The following ASL variants were observed in gnomAD, a reference collection of about 807,000 sequenced individuals.
ASL encodes the protein argininosuccinase.
A neutral mutation model predicts 69.1 loss-of-function variants in ASL; 51 were observed. The observed-to-expected ratio is 0.74, with a 90% confidence interval of 0.59 to 0.93. The LOEUF (loss-of-function observed/expected upper bound fraction) is 0.93. Among genes scored for constraint, ASL ranks in the 40% least tolerant of loss-of-function variants. The pLI, the probability that ASL is intolerant of heterozygous loss-of-function variation, is 0.00. For synonymous variants in ASL, 241 were observed against 247.6 expected, an observed-to-expected ratio of 0.97 and a Z score of 0.25; for missense variants, 540 against 623.9, an observed-to-expected ratio of 0.87 and a Z score of 1.43.
chr7:66,091,233 G>T (rs1786835322), intron 14 of ASL, among the ~76,000 whole-genome samples: 1 of 152,040 alleles, frequency 6.6e-6, no homozygotes, highest in African/African-American at 2.4e-5. Context: ...GACTCTGGGG[G>T]TGCTCCCCAG....
At chr7:66,078,262 C>A (rs540364749) in intron 2 of ASL, among the ~76,000 whole-genome samples, 34 of 152,196 alleles carry the variant, frequency 2.2e-4, no homozygotes, top group African/African-American at 7.5e-4. Flanking sequence ...CCACGTGGTG[C>A]TTTGCTGGAG....
chr7:66,087,881 A>AAC, intron 10 of ASL, 90 bp downstream of exon 10: 1 of 1,519,770 alleles, frequency 6.6e-7, no homozygotes, highest in African/African-American at 1.4e-5. Flanking sequence ...ACCTCCACGG[A>AAC]CAGGCTGGTT....
intron 4 of ASL, 117 bp from the exon 5 acceptor site, chr7:66,082,763 G>C: frequency 8.0e-7 from 1 of 1,250,152 alleles, no homozygotes. Context: ...ATTTGGGGAG[G>C]ACCCGGAGCC....
At chr7:66,089,513 T>C (rs747996363) in intron 13 of ASL, 99 bp from the exon 14 acceptor site, 111 of 1,344,164 alleles carry the variant, frequency 8.3e-5, no homozygotes, top group Admixed American at 1.1e-4. Context: ...GTTCTTCCCA[T>C]GGAAGGCAGT....
intron 2 of ASL, among the ~76,000 whole-genome samples, chr7:66,080,654 G>A (rs1429225143): frequency 6.6e-6 from 1 of 152,086 alleles, no homozygotes; most frequent in Non-Finnish European, 1.5e-5. Flanking sequence ...AAGCCGGGAG[G>A]TGGAGGTTGC....
intron 4 of ASL, 59 bp from the exon 5 acceptor site, chr7:66,082,821 G>A (rs1786546792): frequency 6.2e-7 from 1 of 1,606,982 alleles, no homozygotes; most frequent in African/African-American, 1.3e-5. Context: ...AAACTGCCCT[G>A]CCTGGGTTGA....
intron 10 of ASL, 72 bp downstream of exon 10, chr7:66,087,863 C>T (rs1277917061): frequency 3.2e-6 from 5 of 1,564,328 alleles, no homozygotes; most frequent in Admixed American, 1.7e-5. Context: ...TCTCCAGTTT[C>T]CTCCCACACC....
chr7:66,085,914 C>T (rs534088933), intron 6 of ASL, among the ~76,000 whole-genome samples: 3 of 152,140 alleles, frequency 2.0e-5, no homozygotes, highest in South Asian at 4.1e-4. Flanking sequence ...GGCCACAAGA[C>T]CCCATCTTTA....
intron 13 of ASL, 68 bp from the exon 14 acceptor site, chr7:66,089,544 G>A (rs1270910533): frequency 1.9e-6 from 3 of 1,551,440 alleles, no homozygotes; most frequent in South Asian, 1.1e-5. Context: ...CAGTGGGGGG[G>A]TGGGGCTGTG....
chr7:66,088,954 T>G, intron 11 of ASL, 33 bp downstream of exon 11: 1 of 1,609,350 alleles, frequency 6.2e-7, no homozygotes, highest in South Asian at 1.1e-5. Context: ...CATCTGCCGC[T>G]GCCGGCCTCT....
intron 4 of ASL, 108 bp downstream of exon 4, chr7:66,082,559 A>T (rs1446725830): frequency 3.1e-5 from 40 of 1,276,564 alleles, no homozygotes; most frequent in Non-Finnish European, 4.2e-5. Flanking sequence ...GGCAGACAGC[A>T]TGTGAGACCT....
At chr7:66,083,477 G>A in intron 6 of ASL, 1 of 342,394 alleles carries the variant, frequency 2.9e-6, no homozygotes, top group Non-Finnish European at 5.7e-6. Flanking sequence ...CTGAGGTCAG[G>A]AGTTCGAGAC....
chr7:66,084,186 G>A (rs1165640340), intron 6 of ASL, among the ~76,000 whole-genome samples: 1 of 151,388 alleles, frequency 6.6e-6, no homozygotes, highest in Non-Finnish European at 1.5e-5. Flanking sequence ...TTGAGACAGG[G>A]TTTTGCTCTG....
At chr7:66,076,385 G>C (rs1371888093) in intron 2 of ASL, among the ~76,000 whole-genome samples, 1 of 152,166 alleles carries the variant, frequency 6.6e-6, no homozygotes, top group Non-Finnish European at 1.5e-5. Context: ...GCCTGGCCAG[G>C]AAAAGTGGCT....
chr7:66,089,082 T>G lies in ASL; in HGVS notation c.834-9T>G. ...CCAGCCCCTTCAGCGCCAGCACCTC[T>G]GTCCCCAGCACGGGAAGCAGCCTGA... On this transcript the variant is annotated splice_polypyrimidine_tract_variant and intron_variant, in intron 11 of 16. Coordinates refer to ENST00000304874, the MANE Select transcript of ASL (RefSeq NM_000048.4). 1.9e-6 allele frequency: 3 copies of G among 1,613,752 alleles called. No individual in the cohort carries two copies. Among genetic ancestry groups the G allele is most frequent in the Non-Finnish European group, 2.5e-6 (3 of 1,179,898 alleles).
chr7:66,091,975 G>A, intron 14 of ASL, 31 bp from the exon 15 acceptor site: 1 of 1,612,120 alleles, frequency 6.2e-7, no homozygotes, highest in Non-Finnish European at 8.5e-7. Context: ...AGGGTCCCCA[G>A]GGCTCACCAC....
intron 2 of ASL, among the ~76,000 whole-genome samples, chr7:66,077,332 T>C (rs1786376234): frequency 6.6e-6 from 1 of 151,534 alleles, no homozygotes; most frequent in Non-Finnish European, 1.5e-5. Flanking sequence ...GGCGGAGGCA[T>C]GAGGATTGCT....
Position 66,081,859 on chromosome 7 carries a change from G to A in ASL, c.69G>A (p.Lys23=). The A allele has an allele frequency of 6.2e-7, 1 of 1,614,092 alleles. No homozygotes were observed. Among genetic ancestry groups the A allele is most frequent in the Non-Finnish European group, 8.5e-7 (1 of 1,180,040 alleles). ...FVGAVDPIME[K]FNASIAYDRH... ...GTGCAGTGGACCCCATCATGGAGAA[G>A]TTCAACGCGTCCATTGCCTACGACC... is the stretch of plus-strand genomic sequence containing the variant. Residue 23 remains lysine, a synonymous_variant, in exon 3 of 17, where the codon AAG becomes AAA. Coordinates refer to ENST00000304874, the MANE Select transcript of ASL (RefSeq NM_000048.4).
At chr7:66,086,171 G>A (rs1786655930) in intron 6 of ASL, among the ~76,000 whole-genome samples, 1 of 152,200 alleles carries the variant, frequency 6.6e-6, no homozygotes, top group South Asian at 2.1e-4. Flanking sequence ...ACTTGAATGA[G>A]GTGCAGGGCA....
Sources: gnomAD v4.1 joint callset for allele counts (sites outside exome capture counted in the v4.1 genomes callset) on GRCh38, gnomAD v4.1.1 for gene constraint, MANE v1.5 for transcripts, NCBI Gene and HGNC (gene_info 2026-07-23, HGNC 2026-07-21) for gene names.